The following AOPEP variants were observed in gnomAD, a reference collection of about 807,000 sequenced individuals.
AOPEP encodes the protein aminopeptidase O.
Under a neutral mutation model 98.1 loss-of-function variants are expected in AOPEP, and 77 were observed. The ratio of observed to expected loss-of-function variants is 0.78; its 90% CI spans 0.65 to 0.95. The LOEUF is 0.95. AOPEP is among the 40% of genes least tolerant of loss of function. AOPEP has a pLI of 0.00. For synonymous variants in AOPEP, 346 were observed against 365.3 expected (o/e 0.95, Z 0.60); for missense variants, 1,024 against 1,024.7 (o/e 1.00, Z 0.01).
chr9:95,117,411 CAA>C, the AOPEP span: 2 of 1,606,314 alleles, frequency 1.2e-6, no homozygotes, highest in East Asian at 4.5e-5. Flanking sequence ...ATGGAAAATC[CAA>C]AGAGCATGAA....
chr9:95,116,743 G>A, the AOPEP span, among the ~76,000 whole-genome samples: 1 of 152,234 alleles, frequency 6.6e-6, no homozygotes, highest in Non-Finnish European at 1.5e-5. Flanking sequence ...CCAGTCGAAT[G>A]AAGGCTGGAA....
intron 5 of AOPEP, among the ~76,000 whole-genome samples, chr9:94,866,133 G>A (rs1028927497): frequency 8.5e-5 from 13 of 152,192 alleles, no homozygotes; most frequent in Non-Finnish European, 1.6e-4. Context: ...AGCAGGAGTC[G>A]GCCTGAAGCC....
At chr9:94,893,036 A>G (rs2049053021) in intron 5 of AOPEP, among the ~76,000 whole-genome samples, 1 of 152,214 alleles carries the variant, frequency 6.6e-6, no homozygotes, top group Non-Finnish European at 1.5e-5. Context: ...TCTGCTTTGT[A>G]TAATCAAATA....
intron 13 of AOPEP, among the ~76,000 whole-genome samples, chr9:95,059,513 A>G (rs1265653826): frequency 7.4e-6 from 1 of 135,344 alleles, no homozygotes; most frequent in Non-Finnish European, 1.6e-5. Context: ...TTGGAAAAGT[A>G]TATGTGTGTG....
intron 7 of AOPEP, among the ~76,000 whole-genome samples, chr9:94,949,653 G>A (rs1364628186): frequency 6.6e-6 from 1 of 152,152 alleles, no homozygotes; most frequent in South Asian, 2.1e-4. Flanking sequence ...AAATACCAGC[G>A]GTGTTGATAC....
chr9:94,881,850 T>C (rs954552025), intron 5 of AOPEP, among the ~76,000 whole-genome samples: 1 of 152,226 alleles, frequency 6.6e-6, no homozygotes, highest in African/African-American at 2.4e-5. Context: ...GCAATGTTTC[T>C]AGCTTATTTC....
chr9:94,903,023 C>T (rs1039886807), intron 5 of AOPEP, among the ~76,000 whole-genome samples: 8 of 150,394 alleles, frequency 5.3e-5, no homozygotes, highest in Non-Finnish European at 1.2e-4. Context: ...TTCTGTCTCC[C>T]AGGCTGGAGT....
At chr9:94,817,865 G>A (rs1050078661) in intron 5 of AOPEP, among the ~76,000 whole-genome samples, 2 of 152,212 alleles carry the variant, frequency 1.3e-5, no homozygotes, top group Non-Finnish European at 2.9e-5. Flanking sequence ...CAGGAGCTGA[G>A]TTTAAAGAAA....
In AOPEP at chr9:94,790,905, A is replaced by G. The variant is rs143032755; in HGVS notation, c.965-1860A>G. On this transcript the variant is annotated intron_variant, in intron 3 of 16. Transcript: ENST00000375315. ...CAATTTGGTCAGTGATTGGATGTCA[A>G]ATGTGTTTAACCCTCTAAAACTTAA... Among the ~76,000 whole-genome samples the G allele has an allele frequency of 6.4e-3, 970 of 152,028 alleles. 8 individuals carry two copies. Among genetic ancestry groups the G allele is most frequent in the African/African-American group, 0.022 (915 of 41,488 alleles).
rs2065746435 is a variant in AOPEP at position 95,045,282 on chromosome 9, G to A, written c.2116-15412G>A. 2.0e-5 allele frequency among the ~76,000 whole-genome samples: 3 copies of A among 152,232 alleles called. No individual in the cohort carries two copies. In the South Asian group the frequency reaches 6.2e-4, roughly 31 times the overall value. ...ACCCGTGTCCCGGCAGTGCAGCTCC[G>A]CAGGCGCAGGAGGGATGCGGGCTGG... On this transcript the variant is annotated intron_variant, in intron 13 of 16. Coordinates refer to ENST00000375315, the MANE Select transcript of AOPEP (RefSeq NM_001193329.3).
rs1293053234 is a variant in AOPEP, at chr9:94,760,358, T to G, written c.575T>G (p.Val192Gly). 33 of 1,614,202 alleles carry G rather than the reference T, an allele frequency of 2.0e-5. No individual in the cohort carries two copies. Among genetic ancestry groups the G allele is most frequent in the Non-Finnish European group, 2.7e-5 (32 of 1,180,032 alleles). Residue 192 changes from valine (V) to glycine (G), a missense_variant, in exon 2 of 17, where the codon GTG becomes GGG. Val to Gly is a moderately radical substitution (Grantham distance 109). Coordinates refer to ENST00000375315, the MANE Select transcript of AOPEP (RefSeq NM_001193329.3). ...AGGAATCAGATTGTACGTGAACTTG[T>G]GACTTTGCCTGCAAATCGTTGGAGG... ...EFRNQIVREL[V>G]TLPANRWREQ...
At chr9:95,007,930 C>T (rs542647372) in intron 13 of AOPEP, among the ~76,000 whole-genome samples, 1 of 152,350 alleles carries the variant, frequency 6.6e-6, no homozygotes, top group South Asian at 2.1e-4. Flanking sequence ...ACGCAGTTCA[C>T]TTGCTGTTGA....
At chr9:95,034,067 A>G (rs1281307207) in intron 13 of AOPEP, among the ~76,000 whole-genome samples, 2 of 152,220 alleles carry the variant, frequency 1.3e-5, no homozygotes. Flanking sequence ...CGTACTGAAG[A>G]CACATCCCTG....
intron 5 of AOPEP, among the ~76,000 whole-genome samples, chr9:94,825,649 A>G (rs1207279459): frequency 6.6e-6 from 1 of 152,172 alleles, no homozygotes; most frequent in East Asian, 1.9e-4. Flanking sequence ...GTTCTAGAGA[A>G]TGTTGTTTCC....
intron 13 of AOPEP, among the ~76,000 whole-genome samples, chr9:95,015,350 T>C (rs938966468): frequency 1.3e-5 from 2 of 152,244 alleles, no homozygotes; most frequent in South Asian, 4.1e-4. Context: ...ATAGAAGTCC[T>C]GCTGACACCT....
At chr9:95,149,660 G>A in the AOPEP span, among the ~76,000 whole-genome samples, 1 of 152,022 alleles carries the variant, frequency 6.6e-6, no homozygotes, top group African/African-American at 2.4e-5. Flanking sequence ...TGCATTTTTA[G>A]TAGAGACAGG....
At chr9:94,744,476 G>A (rs1379735986) in intron 1 of AOPEP, among the ~76,000 whole-genome samples, 3 of 151,858 alleles carry the variant, frequency 2.0e-5, no homozygotes, top group African/African-American at 4.8e-5. Context: ...CAAGGTGGGC[G>A]GATCACCTGA....
intron 16 of AOPEP, chr9:95,085,334 C>T: frequency 2.1e-6 from 1 of 484,210 alleles, no homozygotes; most frequent in South Asian, 1.5e-5. Flanking sequence ...GTCGCGCTCA[C>T]TGCAGATTGG....
At chr9:95,093,348 C>G in the AOPEP span, among the ~76,000 whole-genome samples, 1 of 152,106 alleles carries the variant, frequency 6.6e-6, no homozygotes, top group African/African-American at 2.4e-5. Context: ...AAAATTCTGT[C>G]CAATGGTAGA....
Sources: gnomAD v4.1 joint callset for allele counts (sites outside exome capture counted in the v4.1 genomes callset) on GRCh38, gnomAD v4.1.1 for gene constraint, MANE v1.5 for transcripts, NCBI Gene and HGNC (gene_info 2026-07-23, HGNC 2026-07-21) for gene names.